Variants in MET observed in about 807,000 individuals in gnomAD.
MET encodes hepatocyte growth factor receptor.
In MET, 48 loss-of-function variants were observed where a neutral mutation model predicts 133.1. That is an observed-to-expected ratio of 0.36 (90% CI 0.29 to 0.46). The LOEUF is 0.46. Ranked by LOEUF, MET falls within the 20% of genes least tolerant of loss-of-function variation. The pLI is 1.00. For synonymous variants in MET, 628 were observed against 616.5 expected (o/e 1.02, Z -0.28); for missense variants, 1,442 against 1,695.9 (o/e 0.85, Z 2.63).
At chr7:116,724,655 C>G (rs1195285784) in intron 2 of MET, 1 of 453,850 alleles carries the variant, frequency 2.2e-6, no homozygotes, top group East Asian at 6.9e-5. Context: ...AGACTGATAA[C>G]AGTTTTTTTT....
At chr7:116,728,257 T>G (rs1179049270) in intron 2 of MET, among the ~76,000 whole-genome samples, 1 of 152,232 alleles carries the variant, frequency 6.6e-6, no homozygotes, top group Non-Finnish European at 1.5e-5. Context: ...CTGCAGATCC[T>G]ATTCCAACAT....
chr7:116,681,708 G>A (rs922626528), intron 1 of MET, among the ~76,000 whole-genome samples: 4 of 152,170 alleles, frequency 2.6e-5, no homozygotes, highest in African/African-American at 9.7e-5. Flanking sequence ...CCTCACTTCA[G>A]GCAGAATTCA....
chr7:116,736,485 C>T (rs768681640), intron 3 of MET, among the ~76,000 whole-genome samples: 63 of 152,056 alleles, frequency 4.1e-4, no homozygotes, highest in Admixed American at 1.8e-3. Flanking sequence ...ATTAATAAAA[C>T]GGTTTAATTA....
chr7:116,674,630 T>A (rs1027508629), intron 1 of MET, among the ~76,000 whole-genome samples: 1 of 152,222 alleles, frequency 6.6e-6, no homozygotes, highest in South Asian at 2.1e-4. Context: ...ATCCTCTAAC[T>A]GGCTTATTTT....
chr7:116,713,841 T>A (rs1792093447), intron 2 of MET, among the ~76,000 whole-genome samples: 1 of 152,210 alleles, frequency 6.6e-6, no homozygotes, highest in Admixed American at 6.5e-5. Context: ...TGAAGACATT[T>A]ATCACCTGTT....
At chr7:116,766,395 G>A (rs943454637) in intron 11 of MET, among the ~76,000 whole-genome samples, 5 of 152,154 alleles carry the variant, frequency 3.3e-5, no homozygotes, top group South Asian at 2.1e-4. Flanking sequence ...GTCATCACAG[G>A]AACAAATGCT....
At chr7:116,714,173 A>G (rs1174795250) in intron 2 of MET, among the ~76,000 whole-genome samples, 1 of 152,202 alleles carries the variant, frequency 6.6e-6, no homozygotes, top group African/African-American at 2.4e-5. Flanking sequence ...TCTGTTTCAG[A>G]TCTGATTCAC....
intron 19 of MET, among the ~76,000 whole-genome samples, chr7:116,786,461 A>G (rs553402575): frequency 2.1e-4 from 32 of 152,342 alleles, no homozygotes; most frequent in African/African-American, 7.7e-4. Flanking sequence ...TGAAAGAGAA[A>G]AGCAGTGAGG....
chr7:116,729,203 T>G (rs1792902898), intron 2 of MET, among the ~76,000 whole-genome samples: 1 of 152,192 alleles, frequency 6.6e-6, no homozygotes, highest in Non-Finnish European at 1.5e-5. Context: ...AAGAAATACT[T>G]CTAATTAAAC....
At chr7:116,736,488 T>C (rs1793215323) in intron 3 of MET, among the ~76,000 whole-genome samples, 1 of 152,180 alleles carries the variant, frequency 6.6e-6, no homozygotes, top group South Asian at 2.1e-4. Context: ...AATAAAACGG[T>C]TTAATTAAAG....
At chr7:116,737,987 C>T (rs75760645) in intron 3 of MET, among the ~76,000 whole-genome samples, 10 of 152,126 alleles carry the variant, frequency 6.6e-5, no homozygotes, top group East Asian at 1.9e-4. Context: ...CTAAGTAGAA[C>T]GGAGGAAACC....
intron 2 of MET, among the ~76,000 whole-genome samples, chr7:116,725,900 G>C (rs1792732907): frequency 6.7e-6 from 1 of 149,636 alleles, no homozygotes; most frequent in Non-Finnish European, 1.5e-5. Flanking sequence ...AGCGGGGTGT[G>C]GTAATTCATG....
At position 116,748,998 on chromosome 7, in the gene MET, G is replaced by A. The variant is rs1201332424; in HGVS notation, c.1702-6357G>A. ...AACCAAAAAAAGCCCAGGACCAGAC[G>A]GATTCACAGCCGAATTCTACCAGAG... On this transcript the variant is annotated intron_variant, in intron 5 of 20. Transcript: ENST00000397752. Among the ~76,000 whole-genome samples, 9 of 152,216 alleles carry A rather than the reference G, an allele frequency of 5.9e-5. No individual in the cohort carries two copies. The East Asian group carries it at 7.7e-4, about 13-fold the overall frequency.
chr7:116,737,212 A>G (rs1793248990), intron 3 of MET, among the ~76,000 whole-genome samples: 1 of 152,104 alleles, frequency 6.6e-6, no homozygotes, highest in African/African-American at 2.4e-5. Context: ...TTTCTATAGC[A>G]AGCAACACTC....
At chr7:116,713,131 C>T (rs2116665854) in intron 2 of MET, among the ~76,000 whole-genome samples, 1 of 152,268 alleles carries the variant, frequency 6.6e-6, no homozygotes, top group East Asian at 1.9e-4. Context: ...CGCGGTGGCT[C>T]ACGCCTGTAA....
At chr7:116,763,438 C>G (rs988406582) in intron 11 of MET, 170 bp downstream of exon 11, 33 of 656,722 alleles carry the variant, frequency 5.0e-5, no homozygotes, top group Non-Finnish European at 8.8e-5. Flanking sequence ...ATAAGAATAA[C>G]CGTGGACTGC....
Position 116,769,514 on chromosome 7 carries a change from T to C in MET, c.2584-131T>C, listed in dbSNP as rs1032152380. 8 of 1,095,854 alleles carry C rather than the reference T, an allele frequency of 7.3e-6. No individual in the cohort carries two copies. The Admixed American group carries it at 1.8e-4, about 24-fold the overall frequency. 67.9% of individuals were successfully genotyped at this position (1,095,854 alleles called of 1,614,324 possible). Reference sequence around the variant, plus strand: ...CCATCCCAATTCCCATGAAAATTAGTATCATAGAATCGTGTGCCTTGGCAA... The same window carrying C: ...CCATCCCAATTCCCATGAAAATTAGCATCATAGAATCGTGTGCCTTGGCAA... On this transcript the variant is annotated intron_variant, in intron 11 of 20. Transcript: ENST00000397752.
Position 116,769,638 on chromosome 7 carries a change from C to A in MET, c.2584-7C>A, listed in dbSNP as rs758900174. On this transcript the variant is annotated splice_polypyrimidine_tract_variant and splice_region_variant and intron_variant, in intron 11 of 20. Transcript: ENST00000397752. ...TTAACAACCTTTTTTTTTTTTTTTC[C>A]TTTCAGGGAAATGATATTGACCCTG... is the stretch of plus-strand genomic sequence containing the variant. The A allele has an allele frequency of 1.3e-6, 2 of 1,561,646 alleles. No homozygotes were observed. The highest frequency in any genetic ancestry group is 1.7e-6 in the Non-Finnish European group (2 of 1,161,274).
At chr7:116,786,216 G>A (rs1035242854) in intron 19 of MET, among the ~76,000 whole-genome samples, 3 of 152,150 alleles carry the variant, frequency 2.0e-5, no homozygotes, top group South Asian at 4.1e-4. Flanking sequence ...TCTCTTCTTA[G>A]AAGGGCACTA....
Sources: allele counts gnomAD v4.1 joint callset (sites outside exome capture counted in the v4.1 genomes callset), GRCh38; gene constraint gnomAD v4.1.1; transcripts MANE v1.5; gene names NCBI Gene and HGNC (gene_info 2026-07-23, HGNC 2026-07-21).